Variants in COL24A1 observed in about 807,000 individuals in gnomAD.
COL24A1 encodes collagen alpha-1(XXIV) chain.
COL24A1 carries 224 observed loss-of-function variants against 253.9 expected under a neutral mutation model. The observed-to-expected ratio is 0.88, with a 90% CI of 0.79 to 0.99. The LOEUF (loss-of-function observed/expected upper bound fraction) is 0.99. Ranked by LOEUF, COL24A1 falls within the 50% of genes least tolerant of loss-of-function variation. COL24A1 has a pLI of 0.00. For synonymous variants in COL24A1, 685 were observed against 673.7 expected (o/e 1.02, Z -0.26); for missense variants, 2,131 against 2,068.5 (o/e 1.03, Z -0.59).
At chr1:85,844,458 A>C (rs1676951989) in intron 39 of COL24A1, among the ~76,000 whole-genome samples, 1 of 152,050 alleles carries the variant, frequency 6.6e-6, no homozygotes, top group Admixed American at 6.6e-5. Context: ...TTATTAAATA[A>C]ATAAAATAAA....
chr1:86,061,873 A>G (rs1453324877), intron 8 of COL24A1, among the ~76,000 whole-genome samples: 1 of 152,072 alleles, frequency 6.6e-6, no homozygotes, highest in African/African-American at 2.4e-5. Flanking sequence ...GAAAACAGGA[A>G]CAGAAAATTA....
chr1:86,099,360 T>C (rs528014181), intron 5 of COL24A1, among the ~76,000 whole-genome samples: 55 of 152,188 alleles, frequency 3.6e-4, no homozygotes, highest in African/African-American at 1.3e-3. Flanking sequence ...AAATTACATA[T>C]AAAATAAGCA....
At chr1:85,879,246 G>GGTGT (rs5775875) in intron 32 of COL24A1, among the ~76,000 whole-genome samples, 5,804 of 147,152 alleles carry the variant, frequency 0.039, 157 homozygotes, top group African/African-American at 0.071. Flanking sequence ...TCATTTTGAG[G>GGTGT]GTGTGTGTGT....
At chr1:86,033,834 T>C in intron 13 of COL24A1, 36 bp downstream of exon 13, 1 of 1,586,356 alleles carries the variant, frequency 6.3e-7, no homozygotes, top group Non-Finnish European at 8.6e-7. Context: ...ATGAATGATG[T>C]TAGAATGCAA....
chr1:86,006,514 A>C (rs1258009320), intron 19 of COL24A1, among the ~76,000 whole-genome samples: 2 of 152,236 alleles, frequency 1.3e-5, no homozygotes, highest in Non-Finnish European at 2.9e-5. Context: ...AAATTAACTC[A>C]AAATAGATCA....
chr1:86,053,638 C>A (rs1367417971), intron 10 of COL24A1, among the ~76,000 whole-genome samples: 2 of 151,990 alleles, frequency 1.3e-5, no homozygotes, highest in Non-Finnish European at 2.9e-5. Context: ...ACCAGCAGGA[C>A]CACCAGAAGG....
At chr1:86,066,809 A>G (rs970179988) in intron 7 of COL24A1, among the ~76,000 whole-genome samples, 1 of 151,930 alleles carries the variant, frequency 6.6e-6, no homozygotes, top group African/African-American at 2.4e-5. Flanking sequence ...TTTTCAATGT[A>G]GCTGTCACTG....
chr1:86,032,175 G>A (rs1559068352), intron 13 of COL24A1, among the ~76,000 whole-genome samples: 1 of 152,156 alleles, frequency 6.6e-6, no homozygotes, highest in Non-Finnish European at 1.5e-5. Context: ...CTTAAGCAGA[G>A]TCCCCTCTGC....
At chr1:85,903,396 T>C (rs1004407939) in intron 28 of COL24A1, among the ~76,000 whole-genome samples, 15 of 152,314 alleles carry the variant, frequency 9.8e-5, no homozygotes, top group Admixed American at 7.2e-4. Flanking sequence ...TTATAGAAGT[T>C]ATCCCATGGG....
chr1:86,094,478 A>G (rs1453698851), intron 5 of COL24A1, among the ~76,000 whole-genome samples: 1 of 137,000 alleles, frequency 7.3e-6, no homozygotes, highest in African/African-American at 2.5e-5. Context: ...AACAACAGAC[A>G]TAGGGTGGGA....
chr1:86,126,149 C>T lies in COL24A1; in HGVS notation c.187G>A (p.Ala63Thr), dbSNP rs764201856. The T allele has an allele frequency of 1.2e-6, 2 of 1,610,022 alleles. No homozygotes were observed. Among genetic ancestry groups the T allele is most frequent in the South Asian group, 1.1e-5 (1 of 91,036 alleles). The change falls in exon 3 of 60, where the codon GCT becomes ACT. Residue 63 changes from alanine to threonine, a missense_variant. Coordinates refer to ENST00000370571, the MANE Select transcript of COL24A1 (RefSeq NM_152890.7). The part of the protein sequence containing the change: ...KDVRHSSPAT[A>T]VPSASTPLPQ... ...AACGGTGTAGATGCTGATGGTACAG[C>T]AGTCGCTGGTGATGAGTGTCTTACG...
Position 85,868,824 on chromosome 1 carries a change from T to C in COL24A1, c.3150A>G (p.Gly1050=). The part of the protein sequence containing the change: ...TGEPGLRGEP[G]APGEEGLQGK... The stretch of plus-strand genomic sequence containing the variant: ...CCTGGAGACCTTCTTCTCCAGGAGC[T>C]CCTGGTTCACCCTATTTTGTAGCAG... The change falls in exon 36 of 60, where the codon GGA becomes GGG. Residue 1050 remains glycine, a synonymous_variant. Coordinates refer to ENST00000370571, the MANE Select transcript of COL24A1 (RefSeq NM_152890.7). 6.3e-7 allele frequency: 1 copy of C among 1,590,006 alleles called. No homozygotes were observed. The highest frequency in any genetic ancestry group is 8.6e-7 in the Non-Finnish European group (1 of 1,169,356).
intron 5 of COL24A1, among the ~76,000 whole-genome samples, chr1:86,102,082 T>C (rs1704509305): frequency 7.8e-6 from 1 of 128,942 alleles, no homozygotes; most frequent in Admixed American, 8.5e-5. Flanking sequence ...TTTTGGTCTG[T>C]TAAGGAATGC....
At chr1:86,064,378 A>G (rs990113346) in intron 7 of COL24A1, among the ~76,000 whole-genome samples, 1 of 152,176 alleles carries the variant, frequency 6.6e-6, no homozygotes, top group Non-Finnish European at 1.5e-5. Context: ...ATAAATTAAC[A>G]CCCAAAGCTA....
intron 47 of COL24A1, among the ~76,000 whole-genome samples, chr1:85,814,478 C>A (rs944734814): frequency 1.4e-4 from 21 of 152,070 alleles, no homozygotes; most frequent in African/African-American, 5.1e-4. Flanking sequence ...TGTTAGAAAA[C>A]GTCTATTTTC....
intron 1 of COL24A1, among the ~76,000 whole-genome samples, chr1:86,153,100 C>CT (rs1652995828): frequency 6.6e-6 from 1 of 152,164 alleles, no homozygotes; most frequent in Admixed American, 6.5e-5. Context: ...CACTTCTGAG[C>CT]TTTTTATTGT....
intron 52 of COL24A1, among the ~76,000 whole-genome samples, chr1:85,776,608 A>C (rs978973686): frequency 6.6e-6 from 1 of 151,982 alleles, no homozygotes; most frequent in African/African-American, 2.4e-5. Context: ...AATATTTAAT[A>C]ATCTTACCTA....
chr1:85,992,079 C>A (rs1448555895), intron 19 of COL24A1, among the ~76,000 whole-genome samples: 2 of 151,944 alleles, frequency 1.3e-5, no homozygotes, highest in South Asian at 2.1e-4. Context: ...CCACTCCCCC[C>A]ACCCCACAAC....
chr1:86,065,773 A>AAG (rs1333553294), intron 7 of COL24A1, among the ~76,000 whole-genome samples: 21 of 151,012 alleles, frequency 1.4e-4, no homozygotes, highest in African/African-American at 3.4e-4. Context: ...AAAAAAAAAA[A>AAG]AGAGAGAGAC....
Sources: allele counts gnomAD v4.1 joint callset (sites outside exome capture counted in the v4.1 genomes callset), GRCh38; gene constraint gnomAD v4.1.1; transcripts MANE v1.5; gene names NCBI Gene and HGNC (gene_info 2026-07-23, HGNC 2026-07-21).